KLHL32: variants seen among roughly 807,000 people sequenced by gnomAD.
The protein encoded by KLHL32 is kelch like family member 32.
A neutral mutation model predicts 64.8 loss-of-function variants in KLHL32; 35 were observed. The ratio of observed to expected loss-of-function variants is 0.54; its 90% confidence interval spans 0.41 to 0.72. The LOEUF (loss-of-function observed/expected upper bound fraction) is 0.72, where lower values mean the gene tolerates loss of function less well. KLHL32 is among the 30% of genes least tolerant of loss of function. KLHL32 has a pLI of 0.00. For missense variants in KLHL32, 589 were observed against 768.5 expected (o/e 0.77, Z 2.76); for synonymous variants, 259 against 281.0 (o/e 0.92, Z 0.78).
At chr6:97,049,270 C>A in intron 4 of KLHL32, among the ~76,000 whole-genome samples, 1 of 152,186 alleles carries the variant, frequency 6.6e-6, no homozygotes, top group East Asian at 1.9e-4. Context: ...CATCACTTCT[C>A]TTGTACCTTG....
chr6:96,941,407 TATC>T (rs1771271409), intron 1 of KLHL32, among the ~76,000 whole-genome samples: 2 of 152,196 alleles, frequency 1.3e-5, no homozygotes, highest in Admixed American at 6.5e-5. Flanking sequence ...GATTCTTACT[TATC>T]ATGTATTTTC....
chr6:96,912,867 T>C, the KLHL32 span, among the ~76,000 whole-genome samples: 1 of 152,182 alleles, frequency 6.6e-6, no homozygotes, highest in Non-Finnish European at 1.5e-5. Flanking sequence ...TCTGCTCCTC[T>C]CCCTACCACC....
chr6:97,096,182 A>G (rs1270370880), intron 6 of KLHL32, among the ~76,000 whole-genome samples: 3 of 152,170 alleles, frequency 2.0e-5, no homozygotes, highest in African/African-American at 7.2e-5. Flanking sequence ...AATTTTGAGT[A>G]AAGAGGTTAA....
intron 2 of KLHL32, 73 bp from the exon 3 acceptor site, chr6:96,975,924 A>C: frequency 7.8e-7 from 1 of 1,284,182 alleles, no homozygotes; most frequent in East Asian, 2.6e-5. Flanking sequence ...GTCGATGTTC[A>C]AGGAATGAGA....
intron 7 of KLHL32, among the ~76,000 whole-genome samples, chr6:97,121,498 A>T (rs1353645799): frequency 6.6e-6 from 1 of 152,168 alleles, no homozygotes; most frequent in African/African-American, 2.4e-5. Flanking sequence ...TTCAGTTTCT[A>T]AAATTTAAAA....
intron 4 of KLHL32, among the ~76,000 whole-genome samples, chr6:97,043,708 CTCA>C (rs1277003290): frequency 6.6e-6 from 1 of 151,460 alleles, no homozygotes; most frequent in Admixed American, 6.6e-5. Flanking sequence ...TCTCCACACC[CTCA>C]TCAATACTTG....
intron 2 of KLHL32, among the ~76,000 whole-genome samples, chr6:96,967,594 T>C (rs1045487456): frequency 6.6e-6 from 1 of 152,118 alleles, no homozygotes; most frequent in Admixed American, 6.5e-5. Context: ...CATTTCCTTT[T>C]AATAATTCAT....
chr6:97,008,294 A>G (rs1181986085), intron 3 of KLHL32, among the ~76,000 whole-genome samples: 1 of 152,086 alleles, frequency 6.6e-6, no homozygotes, highest in Non-Finnish European at 1.5e-5. Context: ...GAGCTATGGT[A>G]AAGTTTTCCA....
chr6:96,967,451 A>G (rs1052842768), intron 2 of KLHL32, among the ~76,000 whole-genome samples: 2 of 151,934 alleles, frequency 1.3e-5, no homozygotes, highest in Non-Finnish European at 1.5e-5. Flanking sequence ...ATGTGTATAT[A>G]TAGAGAGATG....
intron 5 of KLHL32, among the ~76,000 whole-genome samples, chr6:97,084,144 A>G (rs1793028563): frequency 6.6e-6 from 1 of 152,238 alleles, no homozygotes; most frequent in Non-Finnish European, 1.5e-5. Flanking sequence ...ACTTGGATTT[A>G]TAGAGTGAAA....
At chr6:97,034,142 A>G (rs895390716) in intron 3 of KLHL32, among the ~76,000 whole-genome samples, 1 of 151,752 alleles carries the variant, frequency 6.6e-6, no homozygotes, top group Non-Finnish European at 1.5e-5. Flanking sequence ...TTTCTTCTGT[A>G]TTGTTTCAAG....
intron 6 of KLHL32, among the ~76,000 whole-genome samples, chr6:97,112,309 A>AT (rs1374721993): frequency 2.6e-5 from 4 of 152,176 alleles, no homozygotes; most frequent in Non-Finnish European, 5.9e-5. Context: ...AGAATAATTC[A>AT]TATCAAATAT....
At chr6:97,069,982 A>G (rs1377113283) in intron 5 of KLHL32, among the ~76,000 whole-genome samples, 3 of 152,036 alleles carry the variant, frequency 2.0e-5, no homozygotes, top group Admixed American at 6.5e-5. Context: ...ACCCAAATAC[A>G]TAATATATAG....
chr6:97,036,629 G>A (rs1784332386), intron 3 of KLHL32, among the ~76,000 whole-genome samples: 4 of 152,192 alleles, frequency 2.6e-5, no homozygotes, highest in Admixed American at 2.6e-4. Flanking sequence ...GTAGTTCTGG[G>A]TCCAGTGCAA....
At chr6:97,132,783 G>A in intron 10 of KLHL32, 36 bp downstream of exon 10, 3 of 1,454,946 alleles carry the variant, frequency 2.1e-6, no homozygotes. Flanking sequence ...GTTTGTTCAA[G>A]TGGTTCAGCG....
chr6:97,034,075 G>C (rs1382911107), intron 3 of KLHL32, among the ~76,000 whole-genome samples: 1 of 151,948 alleles, frequency 6.6e-6, no homozygotes, highest in Admixed American at 6.6e-5. Flanking sequence ...CAGTAGTTTG[G>C]TGTCTTATCC....
intron 3 of KLHL32, among the ~76,000 whole-genome samples, chr6:97,009,402 A>T (rs567285046): frequency 6.6e-6 from 1 of 152,320 alleles, no homozygotes; most frequent in South Asian, 2.1e-4. Context: ...TTTTAAACAC[A>T]TTGGCTCTCT....
In KLHL32 at chr6:96,999,225, A is replaced by G. The variant is rs192819907; in HGVS notation, c.204+23048A>G. 5.9e-5 allele frequency among the ~76,000 whole-genome samples: 9 copies of G among 152,238 alleles called. 1 individual carries two copies. Among genetic ancestry groups the G allele is most frequent in the Non-Finnish European group, 7.4e-5 (5 of 68,024 alleles). On this transcript the variant is annotated intron_variant, in intron 3 of 10. Transcript: ENST00000369261. ...AGCCTATGCGACATAGGGACACCCC[A>G]TCTCTACAAAAAATTAGAAAATTAG...
At chr6:96,967,452 T>C (rs567631784) in intron 2 of KLHL32, among the ~76,000 whole-genome samples, 1 of 151,608 alleles carries the variant, frequency 6.6e-6, no homozygotes, top group Non-Finnish European at 1.5e-5. Flanking sequence ...TGTGTATATA[T>C]AGAGAGATGT....
Sources: gnomAD v4.1 joint callset for allele counts (sites outside exome capture counted in the v4.1 genomes callset) on GRCh38, gnomAD v4.1.1 for gene constraint, MANE v1.5 for transcripts, NCBI Gene and HGNC (gene_info 2026-07-23, HGNC 2026-07-21) for gene names.